The following HUNK variants were observed in gnomAD, a reference collection of about 807,000 sequenced individuals.
The protein encoded by HUNK is hormonally up-regulated neu tumor-associated kinase.
A neutral mutation model predicts 61.0 loss-of-function variants in HUNK; 21 were observed. That is an observed-to-expected ratio of 0.34 (90% confidence interval 0.24 to 0.50). HUNK has a LOEUF of 0.50. Ranked by LOEUF, HUNK falls within the 20% of genes least tolerant of loss-of-function variation. The pLI, the probability that HUNK is intolerant of heterozygous loss-of-function variation, is 0.98. For missense variants in HUNK, 772 were observed against 945.7 expected (o/e 0.82, Z 2.41); for synonymous variants, 371 against 386.1 (o/e 0.96, Z 0.46).
At chr21:31,905,130 C>T (rs556332224) in intron 1 of HUNK, among the ~76,000 whole-genome samples, 2 of 151,306 alleles carry the variant, frequency 1.3e-5, no homozygotes, top group Admixed American at 1.3e-4. Context: ...GGGTGGGCCT[C>T]GATCCAATCT....
intron 2 of HUNK, among the ~76,000 whole-genome samples, chr21:31,934,300 G>C (rs1016876563): frequency 6.6e-6 from 1 of 151,766 alleles, no homozygotes; most frequent in African/African-American, 2.4e-5. Context: ...AAAATTAGCC[G>C]GGTGCGGTGG....
At chr21:31,899,082 C>T (rs541296988) in intron 1 of HUNK, among the ~76,000 whole-genome samples, 32 of 152,108 alleles carry the variant, frequency 2.1e-4, no homozygotes, top group South Asian at 4.2e-4. Context: ...ACTCATTCTG[C>T]ACTTGGTGCC....
At chr21:31,978,236 A>ATATCCTATATAT (rs2053064691) in intron 7 of HUNK, among the ~76,000 whole-genome samples, 1 of 152,232 alleles carries the variant, frequency 6.6e-6, no homozygotes, top group Non-Finnish European at 1.5e-5. Context: ...ATCCTGTACA[A>ATATCCTATATAT]CATGATGCTT....
At chr21:31,933,511 G>A (rs550981013) in intron 2 of HUNK, among the ~76,000 whole-genome samples, 2 of 152,090 alleles carry the variant, frequency 1.3e-5, no homozygotes, top group Admixed American at 6.5e-5. Flanking sequence ...TTGGCCGGGC[G>A]CAGTGGCTCA....
At chr21:31,890,286 C>CG (rs1007116535) in intron 1 of HUNK, among the ~76,000 whole-genome samples, 4 of 151,114 alleles carry the variant, frequency 2.6e-5, no homozygotes, top group African/African-American at 7.3e-5. Context: ...TGGAGTGCAA[C>CG]GGCACAGTCT....
At chr21:31,951,414 A>G (rs2052849090) in intron 4 of HUNK, among the ~76,000 whole-genome samples, 1 of 152,184 alleles carries the variant, frequency 6.6e-6, no homozygotes, top group Admixed American at 6.5e-5. Flanking sequence ...TCAGAATATT[A>G]CAATACTCAT....
At chr21:31,981,613 A>G (rs1221207635) in intron 7 of HUNK, among the ~76,000 whole-genome samples, 1 of 151,976 alleles carries the variant, frequency 6.6e-6, no homozygotes, top group Non-Finnish European at 1.5e-5. Context: ...TGATTTTTTT[A>G]TGGCTATTGT....
chr21:31,879,656 C>T (rs2052291526), intron 1 of HUNK, among the ~76,000 whole-genome samples: 1 of 152,164 alleles, frequency 6.6e-6, no homozygotes, highest in African/African-American at 2.4e-5. Context: ...CTATAGAATT[C>T]TGCATGCTGC....
intron 1 of HUNK, among the ~76,000 whole-genome samples, chr21:31,881,400 G>A (rs554249181): frequency 6.6e-6 from 1 of 152,208 alleles, no homozygotes; most frequent in Non-Finnish European, 1.5e-5. Flanking sequence ...GCCGAGGGAG[G>A]CAGATCACCT....
At chr21:31,986,114 C>T (rs531635636) in intron 8 of HUNK, among the ~76,000 whole-genome samples, 1 of 152,238 alleles carries the variant, frequency 6.6e-6, no homozygotes, top group East Asian at 1.9e-4. Context: ...CTCTAGACCC[C>T]TCTGGCCAGT....
chr21:31,922,484 G>A (rs1416568359), intron 1 of HUNK, among the ~76,000 whole-genome samples: 2 of 150,522 alleles, frequency 1.3e-5, no homozygotes, highest in East Asian at 2.0e-4. Flanking sequence ...CCACCACCAC[G>A]CCCATCTAAT....
chr21:31,952,154 T>C (rs1327465431), intron 4 of HUNK, among the ~76,000 whole-genome samples: 1 of 151,912 alleles, frequency 6.6e-6, no homozygotes, highest in Non-Finnish European at 1.5e-5. Context: ...AATGGAACAG[T>C]GGTGAGATCT....
At chr21:31,965,190 C>T (rs1270849190) in intron 5 of HUNK, among the ~76,000 whole-genome samples, 1 of 152,090 alleles carries the variant, frequency 6.6e-6, no homozygotes. Flanking sequence ...AGCAAACTAA[C>T]ACGGGAACAG....
rs1248514619 is a variant in HUNK, at chr21:31,977,590, G to C, written c.1173+2873G>C. Among the ~76,000 whole-genome samples, 3 of 152,196 alleles carry C rather than the reference G, an allele frequency of 2.0e-5. No homozygotes were observed. In the East Asian group the frequency reaches 5.8e-4, roughly 29 times the overall value. ...TGTCCTATGTTTACTTCCACATTTA[G>C]AGATACAAGCTTTTGTGATTCACGC... On this transcript the variant is annotated intron_variant, in intron 7 of 10. Transcript: ENST00000270112.
chr21:31,881,506 C>T (rs2052306902), intron 1 of HUNK, among the ~76,000 whole-genome samples: 1 of 151,962 alleles, frequency 6.6e-6, no homozygotes. Flanking sequence ...TCCTGTAATC[C>T]CAGCTACTCG....
chr21:31,995,235 C>T (rs139903594), intron 9 of HUNK, among the ~76,000 whole-genome samples: 71 of 151,242 alleles, frequency 4.7e-4, no homozygotes, highest in Non-Finnish European at 8.0e-4. Flanking sequence ...TAAGTGCTCA[C>T]ACGATTAGGG....
chr21:31,886,656 C>T (rs1426924695), intron 1 of HUNK, among the ~76,000 whole-genome samples: 3 of 149,670 alleles, frequency 2.0e-5, no homozygotes, highest in African/African-American at 4.9e-5. Context: ...AGAATATGCT[C>T]AGAAAATACT....
chr21:31,974,672 C>T lies in HUNK; in HGVS notation c.1128C>T (p.Ala376=). The T allele has an allele frequency of 2.5e-6, 4 of 1,613,982 alleles. No homozygotes were observed. The highest frequency in any genetic ancestry group is 3.4e-6 in the Non-Finnish European group (4 of 1,179,950). ...CCAACCGCGCCTGCCACATCCTGGC[C>T]ATCTACTTCCTCTTAAACAAGAAAC... is the stretch of plus-strand genomic sequence containing the variant. The part of the protein sequence containing the change: ...VLSNRACHIL[A]IYFLLNKKLE... The change falls in exon 7 of 11, where the codon GCC becomes GCT. Residue 376 remains alanine, a synonymous_variant. Coordinates refer to ENST00000270112, the MANE Select transcript of HUNK (RefSeq NM_014586.2).
Position 31,983,596 on chromosome 21 carries a change from A to C in HUNK, c.1244A>C (p.Lys415Thr). ...LYQIEKYRAP[K>T]ESYEASLDTW... ...CAGATAGAAAAGTACAGGGCCCCCAAGGAGTCCTATGAGGTGAGTGACCCC... is the reference window on the plus strand; with the variant it reads ...CAGATAGAAAAGTACAGGGCCCCCACGGAGTCCTATGAGGTGAGTGACCCC... The change falls in exon 8 of 11, where the codon AAG (lysine) becomes ACG (threonine). Residue 415 changes from lysine (K) to threonine (T), a missense_variant. By Grantham distance (78) the Lys-to-Thr change is moderately conservative. This residue lies in a region of HUNK where 413 missense variants were observed against 444.4 expected (regional missense o/e 0.93). Transcript: ENST00000270112. 6.2e-7 allele frequency: 1 copy of C among 1,613,290 alleles called. No individual in the cohort carries two copies. The highest frequency in any genetic ancestry group is 8.5e-7 in the Non-Finnish European group (1 of 1,179,500).
Sources: allele counts gnomAD v4.1 joint callset (sites outside exome capture counted in the v4.1 genomes callset), GRCh38; gene constraint gnomAD v4.1.1; regional missense constraint gnomAD v4.1.1; transcripts MANE v1.5; gene names NCBI Gene and HGNC (gene_info 2026-07-23, HGNC 2026-07-21).